SH2D4B: variants seen among roughly 807,000 people sequenced by gnomAD.
SH2D4B encodes the protein SH2 domain-containing protein 4B.
In SH2D4B, 45 loss-of-function variants were observed where a neutral mutation model predicts 61.5. The ratio of observed to expected loss-of-function variants is 0.73; its 90% confidence interval spans 0.58 to 0.94. The LOEUF is 0.94. SH2D4B is among the 40% of genes least tolerant of loss of function. The pLI is 0.00. For synonymous variants in SH2D4B, 224 were observed against 220.4 expected (o/e 1.02, Z -0.14); for missense variants, 572 against 574.2 (o/e 1.00, Z 0.04).
At chr10:80,547,795 C>T (rs1841702488) in intron 1 of SH2D4B, among the ~76,000 whole-genome samples, 1 of 152,112 alleles carries the variant, frequency 6.6e-6, no homozygotes, top group Non-Finnish European at 1.5e-5. Context: ...ATGGAGGACA[C>T]TAGTTATTTC....
intron 1 of SH2D4B, among the ~76,000 whole-genome samples, chr10:80,564,355 C>T (rs980051928): frequency 4.6e-5 from 7 of 152,312 alleles, no homozygotes; most frequent in Non-Finnish European, 1.0e-4. Context: ...CTGAATCCAG[C>T]GTCCAATTAT....
chr10:80,571,436 A>G lies in SH2D4B; in HGVS notation c.353A>G (p.Gln118Arg), dbSNP rs1297754592. ...AQREAEELWR[Q>R]KEAEITKKFR... Reference sequence around the variant, plus strand: ...CTGTGGTGCTCTCTTGGTAGGAGACAGAAGGAGGCAGAGATCACCAAGAAG... The same window carrying G: ...CTGTGGTGCTCTCTTGGTAGGAGACGGAAGGAGGCAGAGATCACCAAGAAG... Residue 118 changes from glutamine (Q) to arginine (R), a missense_variant, in exon 3 of 8, where the codon CAG becomes CGG. Physicochemically the swap from Gln to Arg is conservative, Grantham distance 43 (BLOSUM62 1). Transcript: ENST00000646907. 1 of 1,613,986 alleles carries G rather than the reference A, an allele frequency of 6.2e-7. No individual in the cohort carries two copies. The highest frequency in any genetic ancestry group is 8.5e-7 in the Non-Finnish European group (1 of 1,179,966).
At chr10:80,634,681 G>A (rs1842876747) in intron 7 of SH2D4B, among the ~76,000 whole-genome samples, 176 bp downstream of exon 7, 2 of 152,176 alleles carry the variant, frequency 1.3e-5, no homozygotes. Context: ...CGGGGCCCGA[G>A]GGCCCACTGT....
rs372074544 is a variant in SH2D4B at position 80,592,063 on chromosome 10, T to G, written c.643+3286T>G. On this transcript the variant is annotated intron_variant, in intron 4 of 7. Coordinates refer to ENST00000646907, the MANE Select transcript of SH2D4B (RefSeq NM_001388272.1). Reference sequence around the variant, plus strand: ...TGCCAACCCTTGTAATTTTTTGTGTTTTTTATTATAAAAGCCTTTCTAGTG... The same window carrying G: ...TGCCAACCCTTGTAATTTTTTGTGTGTTTTATTATAAAAGCCTTTCTAGTG... Among the ~76,000 whole-genome samples, 32 of 152,348 alleles carry G rather than the reference T, an allele frequency of 2.1e-4. No individual in the cohort carries two copies. In the East Asian group the frequency reaches 6.2e-3, roughly 29 times the overall value.
At chr10:80,609,829 C>G (rs964215273) in intron 6 of SH2D4B, among the ~76,000 whole-genome samples, 3 of 152,186 alleles carry the variant, frequency 2.0e-5, no homozygotes, top group Non-Finnish European at 4.4e-5. Context: ...GAGGCATCTT[C>G]TTTGTGGTCA....
At chr10:80,634,232 G>A (rs375940321) in intron 6 of SH2D4B, 53 bp from the exon 7 acceptor site, 14 of 1,474,384 alleles carry the variant, frequency 9.5e-6, no homozygotes, top group Middle Eastern at 2.0e-4. Context: ...AATCGTGGGG[G>A]AGGCAGTCGC....
intron 1 of SH2D4B, among the ~76,000 whole-genome samples, chr10:80,555,937 T>A (rs1589333480): frequency 6.6e-6 from 1 of 152,216 alleles, no homozygotes; most frequent in Non-Finnish European, 1.5e-5. Flanking sequence ...CTGGATGCAG[T>A]GACCTTGCAG....
chr10:80,612,743 G>C (rs2132146967), intron 6 of SH2D4B, among the ~76,000 whole-genome samples: 1 of 152,304 alleles, frequency 6.6e-6, no homozygotes, highest in Middle Eastern at 3.4e-3. Flanking sequence ...AGATAAAAGA[G>C]TCTTAGTTAA....
At chr10:80,634,154 C>G in intron 6 of SH2D4B, 131 bp from the exon 7 acceptor site, 5 of 1,243,128 alleles carry the variant, frequency 4.0e-6, no homozygotes, top group Non-Finnish European at 5.2e-6. Flanking sequence ...TCTTTCCTTC[C>G]TGCCACCCTG....
intron 6 of SH2D4B, among the ~76,000 whole-genome samples, chr10:80,610,078 A>C (rs1310358768): frequency 1.3e-5 from 2 of 152,192 alleles, no homozygotes; most frequent in East Asian, 3.9e-4. Context: ...CTGTCCCTCA[A>C]ACAAGCCATC....
At chr10:80,555,416 C>T (rs1259296724) in intron 1 of SH2D4B, among the ~76,000 whole-genome samples, 2 of 152,184 alleles carry the variant, frequency 1.3e-5, no homozygotes, top group East Asian at 3.9e-4. Flanking sequence ...AGACCAGGTT[C>T]CAATGCTGTC....
At chr10:80,616,382 G>A (rs528741016) in intron 6 of SH2D4B, among the ~76,000 whole-genome samples, 5 of 152,114 alleles carry the variant, frequency 3.3e-5, no homozygotes, top group South Asian at 4.2e-4. Context: ...TTGCTTTAGC[G>A]GTTCCAACTG....
At chr10:80,569,921 G>C (rs1029367708) in intron 1 of SH2D4B, among the ~76,000 whole-genome samples, 2 of 152,158 alleles carry the variant, frequency 1.3e-5, no homozygotes, top group Non-Finnish European at 2.9e-5. Context: ...GGAGAGCTCA[G>C]TCTTGGACGC....
At chr10:80,597,013 G>A (rs1420137436) in intron 4 of SH2D4B, among the ~76,000 whole-genome samples, 2 of 152,116 alleles carry the variant, frequency 1.3e-5, no homozygotes, top group East Asian at 3.8e-4. Flanking sequence ...TAAAAATACA[G>A]TATAGCAACT....
At position 80,538,072 on chromosome 10, in the gene SH2D4B, C is replaced by T. The variant is rs1841528183; in HGVS notation, c.-260C>T. On this transcript the variant is annotated 5_prime_UTR_variant, in exon 1 of 8. Transcript: ENST00000646907. The surrounding 1 kb of genome is among the most constrained non-coding windows in gnomAD (Gnocchi z 4.8). Reference sequence around the variant, plus strand: ...GACCCAGGAGAAGGACTAGATTGCTCCTGGTGGTTGCTCCCCCTTGCAGAG... The same window carrying T: ...GACCCAGGAGAAGGACTAGATTGCTTCTGGTGGTTGCTCCCCCTTGCAGAG... 1 of 238,556 alleles carries T rather than the reference C, an allele frequency of 4.2e-6. No individual in the cohort carries two copies. The allele number at this position is 238,556 out of a possible 1,614,324, so 14.8% of individuals were successfully genotyped here.
chr10:80,583,213 T>A (rs1564774666), intron 3 of SH2D4B, among the ~76,000 whole-genome samples: 1 of 152,188 alleles, frequency 6.6e-6, no homozygotes, highest in Admixed American at 6.5e-5. Flanking sequence ...AGAAATGAGT[T>A]ATTGCATTCA....
intron 1 of SH2D4B, among the ~76,000 whole-genome samples, chr10:80,552,914 T>G (rs59154125): frequency 1.4e-3 from 214 of 151,544 alleles, no homozygotes; most frequent in African/African-American, 5.0e-3. Context: ...TCTCTTGCTC[T>G]CTCTCTCTTT....
intron 3 of SH2D4B, among the ~76,000 whole-genome samples, chr10:80,584,721 T>C (rs7923730): frequency 0.1 from 15,212 of 152,264 alleles, 884 homozygotes; most frequent in African/African-American, 0.17. Context: ...ATGCTGATTA[T>C]TGACTTAACT....
chr10:80,609,200 C>T (rs907081437), intron 5 of SH2D4B, among the ~76,000 whole-genome samples: 7 of 152,132 alleles, frequency 4.6e-5, no homozygotes, highest in African/African-American at 1.2e-4. Context: ...AAAATGCCTT[C>T]GAGTACCTGG....
Sources: allele counts gnomAD v4.1 joint callset (sites outside exome capture counted in the v4.1 genomes callset), GRCh38; gene constraint gnomAD v4.1.1; non-coding constraint Gnocchi (gnomAD v3.1); transcripts MANE v1.5; gene names NCBI Gene and HGNC (gene_info 2026-07-23, HGNC 2026-07-21).